The following DLG2 variants were observed in gnomAD, a reference collection of about 807,000 sequenced individuals.
DLG2 encodes disks large homolog 2.
DLG2 carries 45 observed loss-of-function variants against 132.5 expected under a neutral mutation model. That is an observed-to-expected ratio of 0.34 (90% CI 0.27 to 0.44). The LOEUF (loss-of-function observed/expected upper bound fraction) is 0.44, where lower values mean the gene tolerates loss of function less well. Among genes scored for constraint, DLG2 ranks in the 20% least tolerant of loss-of-function variants. The pLI is 1.00. For missense variants in DLG2, 1,045 were observed against 1,196.9 expected (o/e 0.87, Z 1.87); for synonymous variants, 424 against 419.6 (o/e 1.01, Z -0.13).
intron 6 of DLG2, among the ~76,000 whole-genome samples, chr11:84,643,612 C>G (rs2099670853): frequency 6.6e-6 from 1 of 152,154 alleles, no homozygotes; most frequent in African/African-American, 2.4e-5. Context: ...TTATCTCTTA[C>G]AAAGCAGAGA....
intron 7 of DLG2, among the ~76,000 whole-genome samples, chr11:84,465,303 A>T (rs1419190743): frequency 6.6e-6 from 1 of 151,264 alleles, no homozygotes; most frequent in Non-Finnish European, 1.5e-5. Context: ...TGCCAGGACC[A>T]GATGGCTTCT....
At chr11:83,988,798 A>G (rs929076550) in intron 11 of DLG2, among the ~76,000 whole-genome samples, 2 of 152,050 alleles carry the variant, frequency 1.3e-5, no homozygotes, top group Non-Finnish European at 2.9e-5. Context: ...CTCCCTATTT[A>G]ATGCTGTCCC....
chr11:84,649,305 C>G (rs2099678735), intron 6 of DLG2, among the ~76,000 whole-genome samples: 1 of 152,072 alleles, frequency 6.6e-6, no homozygotes, highest in African/African-American at 2.4e-5. Flanking sequence ...TACAAATATC[C>G]CATTTTCAAA....
intron 21 of DLG2, among the ~76,000 whole-genome samples, chr11:83,485,904 T>A (rs529508018): frequency 6.6e-6 from 1 of 152,136 alleles, no homozygotes; most frequent in African/African-American, 2.4e-5. Context: ...AGCAAAGTAG[T>A]AGAGCTCAAT....
intron 6 of DLG2, among the ~76,000 whole-genome samples, chr11:84,719,986 A>G (rs2061615848): frequency 6.6e-6 from 1 of 152,102 alleles, no homozygotes; most frequent in Non-Finnish European, 1.5e-5. Context: ...CCCAGTCACT[A>G]GCTAAATGCA....
At chr11:83,983,212 AGT>A (rs1405628032) in intron 11 of DLG2, among the ~76,000 whole-genome samples, 1 of 152,156 alleles carries the variant, frequency 6.6e-6, no homozygotes, top group Non-Finnish European at 1.5e-5. Context: ...ATGCTCATTC[AGT>A]ACAATACTTG....
chr11:84,255,192 A>G (rs745559410), intron 7 of DLG2, among the ~76,000 whole-genome samples: 12 of 152,204 alleles, frequency 7.9e-5, no homozygotes, highest in Non-Finnish European at 1.5e-4. Flanking sequence ...TCACTTTTAC[A>G]GTCAAGAGAG....
At chr11:83,851,490 G>A (rs1391954029) in intron 16 of DLG2, among the ~76,000 whole-genome samples, 1 of 151,986 alleles carries the variant, frequency 6.6e-6, no homozygotes, top group Non-Finnish European at 1.5e-5. Context: ...AGCTGGGTGT[G>A]GTGGCAGGCA....
chr11:84,958,321 A>C (rs992525962), intron 6 of DLG2, among the ~76,000 whole-genome samples: 6 of 152,164 alleles, frequency 3.9e-5, no homozygotes, highest in African/African-American at 1.4e-4. Flanking sequence ...AAAGTCCTCA[A>C]ATTACGTTCT....
chr11:84,868,146 ATATT>A (rs1199477093), intron 6 of DLG2, among the ~76,000 whole-genome samples: 1 of 147,350 alleles, frequency 6.8e-6, no homozygotes, highest in Non-Finnish European at 1.5e-5. Flanking sequence ...TTTTATTATT[ATATT>A]TATTAATATA....
At chr11:84,520,533 C>T (rs1428419691) in intron 7 of DLG2, among the ~76,000 whole-genome samples, 1 of 152,176 alleles carries the variant, frequency 6.6e-6, no homozygotes, top group Non-Finnish European at 1.5e-5. Flanking sequence ...TTGGAAGTCC[C>T]ACATACTGAC....
At chr11:83,787,247 A>T (rs566175243) in intron 17 of DLG2, among the ~76,000 whole-genome samples, 3 of 151,584 alleles carry the variant, frequency 2.0e-5, no homozygotes, top group Admixed American at 2.0e-4. Context: ...TGGTTGCCAA[A>T]TCCCTCTCTG....
At chr11:84,138,501 G>A (rs1422012735) in intron 9 of DLG2, among the ~76,000 whole-genome samples, 3 of 152,186 alleles carry the variant, frequency 2.0e-5, no homozygotes, top group Non-Finnish European at 2.9e-5. Context: ...AAGACAGCCC[G>A]TCCCTAAAGT....
intron 3 of DLG2, among the ~76,000 whole-genome samples, chr11:85,430,299 A>G (rs992746647): frequency 6.6e-6 from 1 of 151,936 alleles, no homozygotes; most frequent in South Asian, 2.1e-4. Context: ...ACATATATAC[A>G]TATGTAACTA....
At chr11:85,480,986 G>A (rs927590214) in intron 3 of DLG2, among the ~76,000 whole-genome samples, 14 of 152,220 alleles carry the variant, frequency 9.2e-5, no homozygotes, top group Admixed American at 7.9e-4. Context: ...TCCTGGTTTT[G>A]CCTCGCTGGC....
At chr11:83,816,802 A>C (rs1300460536) in intron 17 of DLG2, among the ~76,000 whole-genome samples, 1 of 152,182 alleles carries the variant, frequency 6.6e-6, no homozygotes, top group Non-Finnish European at 1.5e-5. Context: ...TATACAAAAG[A>C]TATAACTACA....
At chr11:84,545,067 G>A (rs1365549100) in intron 6 of DLG2, 2 of 453,648 alleles carry the variant, frequency 4.4e-6, no homozygotes, top group African/African-American at 2.0e-5. Flanking sequence ...TCACAAATCT[G>A]TTGTAACCTG....
chr11:84,397,404 C>T (rs2098814356), intron 7 of DLG2, among the ~76,000 whole-genome samples: 1 of 152,212 alleles, frequency 6.6e-6, no homozygotes, highest in African/African-American at 2.4e-5. Flanking sequence ...TCTTCCTGGA[C>T]CCACAGATGA....
intron 3 of DLG2, among the ~76,000 whole-genome samples, chr11:85,374,670 T>C (rs1466937281): frequency 6.6e-6 from 1 of 152,070 alleles, no homozygotes; most frequent in Non-Finnish European, 1.5e-5. Flanking sequence ...AAATAAACTT[T>C]ACTACAGCAA....
Sources: allele counts gnomAD v4.1 joint callset (sites outside exome capture counted in the v4.1 genomes callset), GRCh38; gene constraint gnomAD v4.1.1; transcripts MANE v1.5; gene names NCBI Gene and HGNC (gene_info 2026-07-23, HGNC 2026-07-21).